The following KCNIP1 variants were observed in gnomAD, a reference collection of about 807,000 sequenced individuals.
KCNIP1 encodes A-type potassium channel modulatory protein KCNIP1.
Under a neutral mutation model 33.0 loss-of-function variants are expected in KCNIP1, and 18 were observed. The observed-to-expected ratio is 0.55, with a 90% confidence interval of 0.38 to 0.81. The LOEUF is 0.81. Among genes scored for constraint, KCNIP1 ranks in the 30% least tolerant of loss-of-function variants. The pLI, the probability that KCNIP1 is intolerant of heterozygous loss-of-function variation, is 0.00. For synonymous variants in KCNIP1, 93 were observed against 98.3 expected, an observed-to-expected ratio of 0.95 and a Z score of 0.32; for missense variants, 238 against 271.6, an observed-to-expected ratio of 0.88 and a Z score of 0.87.
At chr5:170,385,599 C>T (rs1764437204) in intron 1 of KCNIP1, 1 of 910,948 alleles carries the variant, frequency 1.1e-6, no homozygotes, top group Non-Finnish European at 1.7e-6. Context: ...TGGAGCTTTG[C>T]AACTTCCAGA....
chr5:170,675,638 T>G (rs1762106043), intron 1 of KCNIP1, among the ~76,000 whole-genome samples: 1 of 152,124 alleles, frequency 6.6e-6, no homozygotes, highest in African/African-American at 2.4e-5. Flanking sequence ...AATAAATTGC[T>G]CTGTAAGTTG....
intron 1 of KCNIP1, among the ~76,000 whole-genome samples, chr5:170,552,234 C>G (rs949847103): frequency 1.3e-5 from 2 of 152,174 alleles, no homozygotes; most frequent in Admixed American, 1.3e-4. Flanking sequence ...CTCATTTATT[C>G]ACACATTGAG....
intron 1 of KCNIP1, among the ~76,000 whole-genome samples, chr5:170,623,154 C>T (rs556080420): frequency 1.3e-5 from 2 of 152,094 alleles, no homozygotes; most frequent in East Asian, 1.9e-4. Context: ...GCTGTGCAGC[C>T]GGGGTCCTAA....
intron 1 of KCNIP1, among the ~76,000 whole-genome samples, chr5:170,699,866 C>T (rs1763031950): frequency 6.6e-6 from 1 of 152,204 alleles, no homozygotes; most frequent in African/African-American, 2.4e-5. Flanking sequence ...GACACGAAGC[C>T]AGCAGGCAGA....
At chr5:170,661,647 C>T (rs1409682699) in intron 1 of KCNIP1, among the ~76,000 whole-genome samples, 2 of 152,052 alleles carry the variant, frequency 1.3e-5, no homozygotes, top group Non-Finnish European at 2.9e-5. Flanking sequence ...GAGCTGAGGC[C>T]AAAAAGACAC....
intron 1 of KCNIP1, among the ~76,000 whole-genome samples, chr5:170,705,714 T>C (rs1763236493): frequency 6.6e-6 from 1 of 152,162 alleles, no homozygotes. Context: ...GTTGTGTCTC[T>C]GACAATAAAT....
intron 1 of KCNIP1, among the ~76,000 whole-genome samples, chr5:170,473,348 T>C (rs1561641743): frequency 6.6e-6 from 1 of 152,220 alleles, no homozygotes; most frequent in Non-Finnish European, 1.5e-5. Context: ...TTGTTACTAA[T>C]ATTGTAAAAT....
chr5:170,639,068 C>T (rs1362849313), intron 1 of KCNIP1: 3 of 152,240 alleles, frequency 2.0e-5, no homozygotes, highest in Admixed American at 2.0e-4. Flanking sequence ...TCTATTTCTT[C>T]ACAAGCTTCC....
At chr5:170,686,711 T>C (rs1433327370) in intron 1 of KCNIP1, among the ~76,000 whole-genome samples, 5 of 152,172 alleles carry the variant, frequency 3.3e-5, no homozygotes, top group Non-Finnish European at 7.3e-5. Context: ...CTCAGTAAAC[T>C]CTGGGGCTGG....
chr5:170,728,656 T>A (rs1162790434), intron 5 of KCNIP1, among the ~76,000 whole-genome samples: 2 of 152,120 alleles, frequency 1.3e-5, no homozygotes, highest in African/African-American at 4.8e-5. Flanking sequence ...AAAATTTTGA[T>A]AAGTAGAGAA....
intron 1 of KCNIP1, among the ~76,000 whole-genome samples, chr5:170,566,164 G>T (rs1398735953): frequency 6.6e-6 from 1 of 152,152 alleles, no homozygotes; most frequent in African/African-American, 2.4e-5. Context: ...GGGTTCAAGC[G>T]ATTCTCCCGC....
intron 1 of KCNIP1, among the ~76,000 whole-genome samples, chr5:170,661,724 A>G (rs1217510946): frequency 6.6e-6 from 1 of 152,204 alleles, no homozygotes; most frequent in African/African-American, 2.4e-5. Flanking sequence ...ATAAAATCAT[A>G]TCATTCACAC....
chr5:170,494,823 T>C (rs890945425), intron 1 of KCNIP1, among the ~76,000 whole-genome samples: 1 of 152,196 alleles, frequency 6.6e-6, no homozygotes, highest in Non-Finnish European at 1.5e-5. Context: ...GATAAAAGCA[T>C]TAAATTTGAA....
intron 1 of KCNIP1, among the ~76,000 whole-genome samples, chr5:170,535,799 G>T (rs766219150): frequency 6.6e-6 from 1 of 152,186 alleles, no homozygotes; most frequent in Non-Finnish European, 1.5e-5. Context: ...GAGGGAAAAA[G>T]TTCTGATTGC....
intron 1 of KCNIP1, among the ~76,000 whole-genome samples, chr5:170,407,723 G>T (rs904940158): frequency 6.6e-6 from 1 of 152,178 alleles, no homozygotes; most frequent in African/African-American, 2.4e-5. Flanking sequence ...CACGCTTCCT[G>T]AGGGCAGGGC....
At chr5:170,572,545 G>A (rs1757459885) in intron 1 of KCNIP1, among the ~76,000 whole-genome samples, 1 of 152,208 alleles carries the variant, frequency 6.6e-6, no homozygotes, top group Non-Finnish European at 1.5e-5. Flanking sequence ...CATACGTGGT[G>A]TGCAGAAATC....
intron 1 of KCNIP1, among the ~76,000 whole-genome samples, chr5:170,519,294 T>G (rs1225658192): frequency 6.6e-6 from 1 of 152,198 alleles, no homozygotes; most frequent in Non-Finnish European, 1.5e-5. Flanking sequence ...CCCCTGATTC[T>G]GGCACTCTGG....
At chr5:170,545,501 T>C (rs2113394028) in intron 1 of KCNIP1, among the ~76,000 whole-genome samples, 1 of 152,342 alleles carries the variant, frequency 6.6e-6, no homozygotes, top group South Asian at 2.1e-4. Flanking sequence ...ACTCCAATTA[T>C]GTGTATGTTA....
chr5:170,385,510 G>T, intron 1 of KCNIP1: 2 of 1,581,674 alleles, frequency 1.3e-6, no homozygotes, highest in Middle Eastern at 1.7e-4. Flanking sequence ...GATCAGCCCA[G>T]TTCACAGGTG....
Sources: allele counts gnomAD v4.1 joint callset (sites outside exome capture counted in the v4.1 genomes callset), GRCh38; gene constraint gnomAD v4.1.1; transcripts MANE v1.5; gene names NCBI Gene and HGNC (gene_info 2026-07-23, HGNC 2026-07-21).